The following JPH1 variants were observed in gnomAD, a reference collection of about 807,000 sequenced individuals.
JPH1 encodes the protein junctophilin-1.
In JPH1, 12 loss-of-function variants were observed where a neutral mutation model predicts 53.6. The observed-to-expected ratio is 0.22, with a 90% confidence interval of 0.14 to 0.36. The LOEUF (loss-of-function observed/expected upper bound fraction) is 0.36. JPH1 is among the 10% of genes least tolerant of loss of function. The pLI is 1.00. For missense variants in JPH1, 808 were observed against 905.5 expected, an observed-to-expected ratio of 0.89 and a Z score of 1.38; for synonymous variants, 375 against 363.8, an observed-to-expected ratio of 1.03 and a Z score of -0.35.
At chr8:74,307,440 T>C (rs1279282084) in intron 2 of JPH1, among the ~76,000 whole-genome samples, 2 of 152,210 alleles carry the variant, frequency 1.3e-5, no homozygotes, top group Admixed American at 6.5e-5. Flanking sequence ...GTCTGGAATT[T>C]GCCCTAGAAG....
chr8:74,269,977 T>C (rs1253248378), intron 2 of JPH1, among the ~76,000 whole-genome samples: 4 of 152,268 alleles, frequency 2.6e-5, no homozygotes, highest in African/African-American at 9.6e-5. Context: ...CTTGTATTCA[T>C]GCTTTCTCTG....
chr8:74,306,637 C>T (rs553754286), intron 2 of JPH1, among the ~76,000 whole-genome samples: 7 of 150,894 alleles, frequency 4.6e-5, no homozygotes, highest in South Asian at 4.2e-4. Flanking sequence ...CTCGCTCTGT[C>T]GCTTAGGCTG....
In JPH1 at chr8:74,245,940, T is replaced by C. The variant is rs187493005; in HGVS notation, c.1259-765A>G. Among the ~76,000 whole-genome samples, 15 of 146,898 alleles carry C rather than the reference T, an allele frequency of 1.0e-4. No individual in the cohort carries two copies. The East Asian group carries it at 2.9e-3, about 29-fold the overall frequency. ...GAAAAAAAAAAAAAAAAAGTGGCCC[T>C]GCTGCATTGTTATTTTACAGGGAGT... On this transcript the variant is annotated intron_variant, in intron 3 of 5. Coordinates refer to ENST00000342232, the MANE Select transcript of JPH1 (RefSeq NM_020647.4).
At chr8:74,237,608 T>C (rs1352295753) in intron 4 of JPH1, among the ~76,000 whole-genome samples, 1 of 152,246 alleles carries the variant, frequency 6.6e-6, no homozygotes, top group Non-Finnish European at 1.5e-5. Context: ...CAGCTCACCC[T>C]AACAGGGCCT....
At chr8:74,253,776 T>C (rs1239925331) in intron 3 of JPH1, among the ~76,000 whole-genome samples, 4 of 151,974 alleles carry the variant, frequency 2.6e-5, no homozygotes, top group Non-Finnish European at 1.5e-5. Context: ...TATACACAAA[T>C]AAACTAGAAA....
intron 2 of JPH1, among the ~76,000 whole-genome samples, chr8:74,310,460 C>A (rs913046256): frequency 6.6e-6 from 1 of 152,042 alleles, no homozygotes; most frequent in African/African-American, 2.4e-5. Flanking sequence ...TATAAGTATC[C>A]CTTATGGTCT....
At chr8:74,261,219 G>GA (rs567049039) in intron 2 of JPH1, among the ~76,000 whole-genome samples, 146 of 152,278 alleles carry the variant, frequency 9.6e-4, no homozygotes, top group Non-Finnish European at 1.5e-3. Flanking sequence ...CACAAACAGT[G>GA]AATGAAGCCT....
chr8:74,273,603 T>C (rs1806767204), intron 2 of JPH1, among the ~76,000 whole-genome samples: 1 of 152,216 alleles, frequency 6.6e-6, no homozygotes, highest in Non-Finnish European at 1.5e-5. Context: ...ACCAGGCTCC[T>C]CTGTCAAATA....
chr8:74,283,172 A>C (rs1045517274), intron 2 of JPH1, among the ~76,000 whole-genome samples: 9 of 152,140 alleles, frequency 5.9e-5, no homozygotes, highest in African/African-American at 2.2e-4. Flanking sequence ...TGCATGGATA[A>C]ATCTTAAAAC....
chr8:74,283,834 A>C (rs2131422663), intron 2 of JPH1, among the ~76,000 whole-genome samples: 1 of 152,332 alleles, frequency 6.6e-6, no homozygotes, highest in African/African-American at 2.4e-5. Flanking sequence ...TAGTCCCATA[A>C]AAAATGCTCC....
At chr8:74,284,588 C>G (rs918522939) in intron 2 of JPH1, among the ~76,000 whole-genome samples, 1 of 152,058 alleles carries the variant, frequency 6.6e-6, no homozygotes, top group Non-Finnish European at 1.5e-5. Flanking sequence ...TTCCGACTAG[C>G]AACTTTCCTA....
At chr8:74,267,163 C>A (rs988373538) in intron 2 of JPH1, among the ~76,000 whole-genome samples, 108 of 152,114 alleles carry the variant, frequency 7.1e-4, no homozygotes, top group African/African-American at 2.5e-3. Context: ...GTTGGAGATA[C>A]AGGGCTGCTA....
At chr8:74,279,950 T>C (rs1806962328) in intron 2 of JPH1, among the ~76,000 whole-genome samples, 2 of 152,236 alleles carry the variant, frequency 1.3e-5, no homozygotes, top group South Asian at 4.1e-4. Context: ...ACTAGACCTC[T>C]TGTTATTTAG....
intron 2 of JPH1, among the ~76,000 whole-genome samples, chr8:74,271,326 G>A (rs549714743): frequency 2.0e-5 from 3 of 152,068 alleles, no homozygotes; most frequent in African/African-American, 4.8e-5. Context: ...CTGCTGCTTC[G>A]CCGCTATCTG....
At chr8:74,313,943 T>C (rs545658793) in intron 2 of JPH1, among the ~76,000 whole-genome samples, 7 of 152,328 alleles carry the variant, frequency 4.6e-5, no homozygotes, top group South Asian at 4.1e-4. Context: ...TTATTCCCAA[T>C]AGATTTTTCC....
rs764305658 is a variant in JPH1 at position 74,315,493 on chromosome 8, C to T, written c.507G>A (p.Glu169=). 1.2e-6 allele frequency: 2 copies of T among 1,606,538 alleles called. No homozygotes were observed. Among genetic ancestry groups the T allele is most frequent in the Non-Finnish European group, 1.7e-6 (2 of 1,177,256 alleles). The change falls in exon 2 of 6, where the codon GAG becomes GAA. Residue 169 remains glutamate (E), a synonymous_variant. Transcript: ENST00000342232. The surrounding 1 kb of genome is among the most constrained non-coding windows in gnomAD (Gnocchi z 6.3). ...CGTGGAGCACGCTGCCATTGCTCTG[C>T]TCGCTGCGCAGCGAGGCCAGCGAGG... ...LRTSLASLRS[E]QSNGSVLHDA...
At chr8:74,237,183 A>T in intron 5 of JPH1, 25 bp downstream of exon 5, 1 of 1,382,758 alleles carries the variant, frequency 7.2e-7, no homozygotes. Flanking sequence ...CTATGATTTT[A>T]GATAGAAATT....
At position 74,321,318 on chromosome 8, in the gene JPH1, G is replaced by GGGGCACGGACGCGGGCAGTGCT. The variant is rs1808319402; in HGVS notation, c.-53_-32dup. 4.0e-6 allele frequency: 6 copies of GGGGCACGGACGCGGGCAGTGCT among 1,505,936 alleles called. No homozygotes were observed. Among genetic ancestry groups the GGGGCACGGACGCGGGCAGTGCT allele is most frequent in the African/African-American group, 1.4e-5 (1 of 72,000 alleles). 93.3% of individuals were successfully genotyped at this position (1,505,936 alleles called of 1,614,324 possible). On this transcript the variant is annotated 5_prime_UTR_variant, in exon 1 of 6. Coordinates refer to ENST00000342232, the MANE Select transcript of JPH1 (RefSeq NM_020647.4). The surrounding 1 kb of genome is among the most constrained non-coding windows in gnomAD (Gnocchi z 4.3). ...GGGCAGCCCCGGCGCGCTCCCCGCAGGGGCACGGACGCGGGCAGTGCTGGG... is the reference window on the plus strand; with the variant it reads ...GGGCAGCCCCGGCGCGCTCCCCGCAGGGGCACGGACGCGGGCAGTGCTGGGCACGGACGCGGGCAGTGCTGGG...
intron 2 of JPH1, among the ~76,000 whole-genome samples, chr8:74,281,798 T>C (rs894080452): frequency 6.6e-6 from 1 of 152,122 alleles, no homozygotes; most frequent in Non-Finnish European, 1.5e-5. Flanking sequence ...GATTTCCCCC[T>C]CCCACACCCT....
Sources: allele counts gnomAD v4.1 joint callset (sites outside exome capture counted in the v4.1 genomes callset), GRCh38; gene constraint gnomAD v4.1.1; non-coding constraint Gnocchi (gnomAD v3.1); transcripts MANE v1.5; gene names NCBI Gene and HGNC (gene_info 2026-07-23, HGNC 2026-07-21).